The following PAGR1 variants were observed in gnomAD, a reference collection of about 807,000 sequenced individuals.
PAGR1 encodes the protein PAXIP1 associated glutamate rich protein 1, also known as PAXIP1-associated glutamate-rich protein 1.
Under a neutral mutation model 22.4 loss-of-function variants are expected in PAGR1, and 20 were observed. The observed-to-expected ratio is 0.89, with a 90% confidence interval of 0.63 to 1.30. The LOEUF is 1.30. PAGR1 is among the 50% of genes most tolerant of loss of function. The pLI, the probability that PAGR1 is intolerant of heterozygous loss-of-function variation, is 0.00. For missense variants in PAGR1, 338 were observed against 343.6 expected (o/e 0.98, Z 0.13); for synonymous variants, 161 against 148.3 (o/e 1.09, Z -0.62).
intron 2 of PAGR1, chr16:29,818,290 G>T (rs1479933375): frequency 1.3e-5 from 2 of 152,138 alleles, no homozygotes; most frequent in African/African-American, 2.4e-5. Flanking sequence ...ATCCGCCTCG[G>T]TTCTCAAAGT....
chr16:29,818,186 C>G (rs971691593), intron 2 of PAGR1: 1 of 152,214 alleles, frequency 6.6e-6, no homozygotes, highest in Non-Finnish European at 1.5e-5. Context: ...AGAGTCATGC[C>G]TTTCCTTTTT....
Position 29,819,714 on chromosome 16 carries a change from C to T in PAGR1, c.725C>T (p.Ser242Phe). ...DPSPASPPLR[S>F]SGSSLFPRQR... ...AGCCCCGCCAGCCCCCCACTCCGAT[C>T]CTCCGGGAGTAGTCTCTTCCCTCGG... The change falls in exon 3 of 3, where the codon TCC (serine) becomes TTC (phenylalanine). Residue 242 changes from serine to phenylalanine, a missense_variant. Around this residue, in one of 3 missense-constraint regions of PAGR1, gnomAD observed 52 missense variants for 44.5 expected, o/e 1.17. Coordinates refer to ENST00000320330, the MANE Select transcript of PAGR1 (RefSeq NM_024516.4). 1.2e-6 allele frequency: 2 copies of T among 1,613,698 alleles called. No individual in the cohort carries two copies. The highest frequency in any genetic ancestry group is 8.5e-7 in the Non-Finnish European group (1 of 1,179,988).
Position 29,816,412 on chromosome 16 carries a change from C to G in PAGR1, c.-114C>G. On this transcript the variant is annotated 5_prime_UTR_variant, in exon 1 of 3. Coordinates refer to ENST00000320330, the MANE Select transcript of PAGR1 (RefSeq NM_024516.4). ...GGCGGTCTGGCCGCGGAGTCCCCTG[C>G]GGGAGCGTGATTGGCTGGAAACGGT... 1 of 1,132,126 alleles carries G rather than the reference C, an allele frequency of 8.8e-7. No homozygotes were observed. The highest frequency in any genetic ancestry group is 1.2e-6 in the Non-Finnish European group (1 of 867,554). 70.1% of individuals were successfully genotyped at this position (1,132,126 alleles called of 1,614,324 possible).
Position 29,816,437 on chromosome 16 carries a change from T to G in PAGR1, c.-89T>G. The G allele has an allele frequency of 1.5e-6, 2 of 1,299,100 alleles. No homozygotes were observed. Among genetic ancestry groups the G allele is most frequent in the Admixed American group, 3.5e-5 (1 of 28,418 alleles). The allele number at this position is 1,299,100 out of a possible 1,614,324, so 80.5% of individuals were successfully genotyped here. A position where few individuals can be genotyped will look rare whatever the true frequency, so the allele number is the denominator to read the frequency against. Reference sequence around the variant, plus strand: ...CGGGAGCGTGATTGGCTGGAAACGGTCCCGAACCCCCAGGGGAGCCCGATC... The same window carrying G: ...CGGGAGCGTGATTGGCTGGAAACGGGCCCGAACCCCCAGGGGAGCCCGATC... On this transcript the variant is annotated 5_prime_UTR_variant, in exon 1 of 3. Coordinates refer to ENST00000320330, the MANE Select transcript of PAGR1 (RefSeq NM_024516.4).
At chr16:29,817,503 T>TG (rs1900275788) in intron 2 of PAGR1, among the ~76,000 whole-genome samples, 1 of 148,110 alleles carries the variant, frequency 6.8e-6, no homozygotes, top group South Asian at 2.2e-4. Flanking sequence ...GATGGAGTCT[T>TG]GCCCTTGTCC....
rs1900336907 is a variant in PAGR1 at position 29,820,269 on chromosome 16, C to T, written c.*515C>T. On this transcript the variant is annotated 3_prime_UTR_variant, in exon 3 of 3. Transcript: ENST00000320330. ...TCGGGCCCTCCAACTCCTCCCAGTC[C>T]CACTCCAGTGCAGCCAGCTGGCTCC... 1 of 152,716 alleles carries T rather than the reference C, an allele frequency of 6.5e-6. No homozygotes were observed. Among genetic ancestry groups the T allele is most frequent in the African/African-American group, 2.4e-5 (1 of 41,430 alleles). The allele number at this position is 152,716 out of a possible 1,614,324, so 9.5% of individuals were successfully genotyped here.
At position 29,819,811 on chromosome 16, in the gene PAGR1, T is replaced by A; in HGVS notation, c.*57T>A. ...TCCGTACCTGCTGGAGCCTGGGCCC[T>A]CCTTCCCCAGCCCAGACATTGAGAA... On this transcript the variant is annotated 3_prime_UTR_variant, in exon 3 of 3. Coordinates refer to ENST00000320330, the MANE Select transcript of PAGR1 (RefSeq NM_024516.4). 1 of 1,527,366 alleles carries A rather than the reference T, an allele frequency of 6.5e-7. No individual in the cohort carries two copies. Among genetic ancestry groups the A allele is most frequent in the Non-Finnish European group, 8.9e-7 (1 of 1,128,260 alleles). 94.6% of individuals were successfully genotyped at this position (1,527,366 alleles called of 1,614,324 possible).
At position 29,816,442 on chromosome 16, in the gene PAGR1, A is replaced by G. The variant is rs939585275; in HGVS notation, c.-84A>G. 14 of 1,308,702 alleles carry G rather than the reference A, an allele frequency of 1.1e-5. No individual in the cohort carries two copies. The Admixed American group carries it at 4.2e-4, about 39-fold the overall frequency. 81.1% of individuals were successfully genotyped at this position (1,308,702 alleles called of 1,614,324 possible). ...GCGTGATTGGCTGGAAACGGTCCCG[A>G]ACCCCCAGGGGAGCCCGATCCCTGG... On this transcript the variant is annotated 5_prime_UTR_variant, in exon 1 of 3. Coordinates refer to ENST00000320330, the MANE Select transcript of PAGR1 (RefSeq NM_024516.4).
In PAGR1 at chr16:29,816,588, A is replaced by T; in HGVS notation, c.63A>T (p.Glu21Asp). Residue 21 changes from glutamate (E) to aspartate (D), a missense_variant, in exon 1 of 3, where the codon GAA becomes GAT. Around this residue, in one of 3 missense-constraint regions of PAGR1, gnomAD observed 235 missense variants for 216.0 expected, o/e 1.09. Transcript: ENST00000320330. ...GTACGGCGGCGCCTCTGTCTGAAGA[A>T]GGGGAAGTGACCTCCGGCCTCCAGG... Reference protein sequence around the residue: ...AASTAAPLSEEGEVTSGLQAL... With the variant: ...AASTAAPLSEDGEVTSGLQAL... 6.6e-7 allele frequency: 1 copy of T among 1,513,390 alleles called. No individual in the cohort carries two copies. The highest frequency in any genetic ancestry group is 8.8e-7 in the Non-Finnish European group (1 of 1,134,086). The allele number at this position is 1,513,390 out of a possible 1,614,324, so 93.7% of individuals were successfully genotyped here.
rs1252092003 is a variant in PAGR1 at position 29,816,289 on chromosome 16, G to A, written c.-237G>A. The A allele has an allele frequency of 2.4e-6, 1 of 416,462 alleles. No individual in the cohort carries two copies. Among genetic ancestry groups the A allele is most frequent in the Non-Finnish European group, 4.2e-6 (1 of 236,816 alleles). The allele number at this position is 416,462 out of a possible 1,614,324, so 25.8% of individuals were successfully genotyped here. On this transcript the variant is annotated 5_prime_UTR_variant, in exon 1 of 3. Transcript: ENST00000320330. ...CTCTCCTCCCCCTTTCCCTCTTTCG[G>A]AAAGTGGTTTCTGCGGGGCCCGGGA...
At position 29,817,254 on chromosome 16, in the gene PAGR1, C is replaced by T. The variant is rs1489759115; in HGVS notation, c.527C>T (p.Thr176Ile). 4 of 1,613,926 alleles carry T rather than the reference C, an allele frequency of 2.5e-6. No homozygotes were observed. In the African/African-American group the frequency reaches 4.0e-5, roughly 16 times the overall value. The change falls in exon 2 of 3, where the codon ACA (threonine) becomes ATA (isoleucine). Residue 176 changes from threonine to isoleucine, a missense_variant. Physicochemically the swap from Thr to Ile is moderately conservative, Grantham distance 89. Coordinates refer to ENST00000320330, the MANE Select transcript of PAGR1 (RefSeq NM_024516.4). ...TTTGATTTTGATGATGAGCCAGTGA[C>T]ACCAAAGGACTCCCTGATTGACCGG... ...TEFDFDDEPV[T>I]PKDSLIDRRR...
chr16:29,817,646 G>A (rs1900278297), intron 2 of PAGR1, among the ~76,000 whole-genome samples: 1 of 151,510 alleles, frequency 6.6e-6, no homozygotes, highest in Non-Finnish European at 1.5e-5. Flanking sequence ...GCCAATTTTT[G>A]TATTTTTAGT....
In PAGR1 at chr16:29,816,482, G is replaced by A. The variant is rs1168061484; in HGVS notation, c.-44G>A. ...CCGATCCCTGGGGGACCCTGGCTTC[G>A]GACTCCAGTATCTGTCGTCGCAGGG... On this transcript the variant is annotated 5_prime_UTR_variant, in exon 1 of 3. Transcript: ENST00000320330. The A allele has an allele frequency of 1.5e-5, 22 of 1,422,564 alleles. No individual in the cohort carries two copies. The highest frequency in any genetic ancestry group is 1.4e-4 in the South Asian group (8 of 56,710). The allele number at this position is 1,422,564 out of a possible 1,614,324, so 88.1% of individuals were successfully genotyped here. A position where few individuals can be genotyped will look rare whatever the true frequency, so the allele number is the denominator to read the frequency against.
Position 29,816,155 on chromosome 16 carries a change from T to C in PAGR1, c.-371T>C, listed in dbSNP as rs1005498432. The C allele has an allele frequency of 4.7e-5, 15 of 319,458 alleles. No individual in the cohort carries two copies. The highest frequency in any genetic ancestry group is 7.4e-5 in the Non-Finnish European group (13 of 175,672). The allele number at this position is 319,458 out of a possible 1,614,324, so 19.8% of individuals were successfully genotyped here. On this transcript the variant is annotated 5_prime_UTR_variant, in exon 1 of 3. Transcript: ENST00000320330. Reference sequence around the variant, plus strand: ...CTGGGAGGCGGGTCTTAGCTCCAGGTGCGTACGGCATCTGACTTGACGTGG... The same window carrying C: ...CTGGGAGGCGGGTCTTAGCTCCAGGCGCGTACGGCATCTGACTTGACGTGG...
At position 29,821,752 on chromosome 16, in the gene PAGR1, A is replaced by T. The variant is rs566656583; in HGVS notation, c.*1998A>T. ...TCTTAACTTGCAGGTTCTTGTGAGG[A>T]TAACATGAGTTAATTGAGGGCACTT... On this transcript the variant is annotated 3_prime_UTR_variant, in exon 3 of 3. Coordinates refer to ENST00000320330, the MANE Select transcript of PAGR1 (RefSeq NM_024516.4). 6.6e-6 allele frequency among the ~76,000 whole-genome samples: 1 copy of T among 152,228 alleles called. No homozygotes were observed. Among genetic ancestry groups the T allele is most frequent in the South Asian group, 2.1e-4 (1 of 4,836 alleles).
chr16:29,819,915 G>A lies in PAGR1; in HGVS notation c.*161G>A. On this transcript the variant is annotated 3_prime_UTR_variant, in exon 3 of 3. Transcript: ENST00000320330. Reference sequence around the variant, plus strand: ...AGGAAGAGAGAGTGTGAGTGTGTGTGTGTGTTTTTTCTATTGAACACCTGT... The same window carrying A: ...AGGAAGAGAGAGTGTGAGTGTGTGTATGTGTTTTTTCTATTGAACACCTGT... The A allele has an allele frequency of 3.8e-6, 3 of 788,270 alleles. No individual in the cohort carries two copies. Among genetic ancestry groups the A allele is most frequent in the Non-Finnish European group, 5.9e-6 (3 of 509,872 alleles). The allele number at this position is 788,270 out of a possible 1,614,324, so 48.8% of individuals were successfully genotyped here.
At chr16:29,819,503 T>A in intron 2 of PAGR1, 52 bp from the exon 3 acceptor site, 1 of 1,587,124 alleles carries the variant, frequency 6.3e-7, no homozygotes, top group East Asian at 2.2e-5. Flanking sequence ...CAGGCAGGTA[T>A]GGTGTACACC....
chr16:29,818,152 C>A (rs544393170), intron 2 of PAGR1: 3 of 152,410 alleles, frequency 2.0e-5, no homozygotes, highest in African/African-American at 7.2e-5. Context: ...TCCCACCCCA[C>A]ATGCCTTCCT....
intron 2 of PAGR1, chr16:29,818,114 A>G (rs1221749483): frequency 6.6e-6 from 1 of 152,146 alleles, no homozygotes; most frequent in Non-Finnish European, 1.5e-5. Context: ...TACCATGTAC[A>G]TTCTTTAATC....
Sources: gnomAD v4.1 joint callset for allele counts (sites outside exome capture counted in the v4.1 genomes callset) on GRCh38, gnomAD v4.1.1 for gene constraint, gnomAD v4.1.1 regional missense constraint, MANE v1.5 for transcripts, NCBI Gene and HGNC (gene_info 2026-07-23, HGNC 2026-07-21) for gene names.